The following DAB1 variants were observed in gnomAD, a reference collection of about 807,000 sequenced individuals.
DAB1 encodes the protein disabled homolog 1.
A neutral mutation model predicts 64.6 loss-of-function variants in DAB1; 15 were observed. The ratio of observed to expected loss-of-function variants is 0.23; its 90% confidence interval spans 0.16 to 0.36. The LOEUF is 0.36. Ranked by LOEUF, DAB1 falls within the 10% of genes least tolerant of loss-of-function variation. The pLI, the probability that DAB1 is intolerant of heterozygous loss-of-function variation, is 1.00. For synonymous variants in DAB1, 235 were observed against 251.9 expected, an observed-to-expected ratio of 0.93 and a Z score of 0.64; for missense variants, 596 against 706.7, an observed-to-expected ratio of 0.84 and a Z score of 1.78.
At chr1:57,702,360 A>G (rs1313293185) in intron 6 of DAB1, among the ~76,000 whole-genome samples, 2 of 152,188 alleles carry the variant, frequency 1.3e-5, no homozygotes, top group Non-Finnish European at 2.9e-5. Flanking sequence ...ATGGATATTT[A>G]TAACTCCCTT....
chr1:57,722,515 GTA>G (rs1647163451), intron 6 of DAB1, among the ~76,000 whole-genome samples: 1 of 152,118 alleles, frequency 6.6e-6, no homozygotes, highest in African/African-American at 2.4e-5. Context: ...TCTCAACACG[GTA>G]TTCCCAGCAG....
chr1:57,655,684 CAG>C (rs749793515), intron 6 of DAB1, among the ~76,000 whole-genome samples: 25 of 152,002 alleles, frequency 1.6e-4, no homozygotes, highest in Non-Finnish European at 2.9e-4. Context: ...AAACATGAAA[CAG>C]GGAAAGGGGA....
intron 5 of DAB1, among the ~76,000 whole-genome samples, chr1:57,960,579 A>AT (rs1371129804): frequency 2.6e-5 from 4 of 152,198 alleles, no homozygotes; most frequent in African/African-American, 4.8e-5. Flanking sequence ...CGTTAATACT[A>AT]TTTTTATTCA....
At chr1:57,045,342 T>C (rs1416747693) in intron 9 of DAB1, among the ~76,000 whole-genome samples, 2 of 152,158 alleles carry the variant, frequency 1.3e-5, no homozygotes, top group Non-Finnish European at 2.9e-5. Flanking sequence ...CCTAGGCGAC[T>C]GTGGAAACAG....
At chr1:58,526,879 G>A (rs1646359688) in intron 2 of DAB1, among the ~76,000 whole-genome samples, 1 of 152,098 alleles carries the variant, frequency 6.6e-6, no homozygotes, top group Non-Finnish European at 1.5e-5. Context: ...AAAGGCCAGA[G>A]GGGATGACAC....
At chr1:58,539,124 C>A (rs1037242225) in intron 1 of DAB1, 1 of 872,848 alleles carries the variant, frequency 1.1e-6, no homozygotes, top group Admixed American at 1.7e-5. Flanking sequence ...ACCTGTCACA[C>A]TGATTTACTC....
intron 6 of DAB1, among the ~76,000 whole-genome samples, chr1:57,671,749 C>T (rs913846206): frequency 2.0e-5 from 3 of 152,046 alleles, no homozygotes; most frequent in Non-Finnish European, 4.4e-5. Context: ...TTTCTGTTGA[C>T]ATTTTACCTT....
intron 4 of DAB1, among the ~76,000 whole-genome samples, chr1:58,275,373 A>G (rs1310742653): frequency 6.6e-6 from 1 of 152,202 alleles, no homozygotes; most frequent in African/African-American, 2.4e-5. Flanking sequence ...AAAGGACAAA[A>G]TCAAAAGAGT....
chr1:57,568,724 T>G (rs1327811906), intron 7 of DAB1, among the ~76,000 whole-genome samples: 1 of 151,866 alleles, frequency 6.6e-6, no homozygotes, highest in Admixed American at 6.6e-5. Flanking sequence ...AAAACCACAA[T>G]GAGATACCAT....
At position 57,355,949 on chromosome 1, in the gene DAB1, T is replaced by C. The variant is rs1679068204; in HGVS notation, c.-136-64783A>G. Among the ~76,000 whole-genome samples, 2 of 151,676 alleles carry C rather than the reference T, an allele frequency of 1.3e-5. 1 individual carries two copies. Among genetic ancestry groups the C allele is most frequent in the South Asian group, 4.2e-4 (2 of 4,804 alleles). ...TGTCCTCTAAGCATGCTATTTTAAA[T>C]TGCAACCTAATTCACTAGTTTTTCC... is the stretch of plus-strand genomic sequence containing the variant. On this transcript the variant is annotated intron_variant, in intron 1 of 14. Transcript: ENST00000371236.
At chr1:57,340,031 G>C (rs553830401) in intron 1 of DAB1, among the ~76,000 whole-genome samples, 1 of 152,144 alleles carries the variant, frequency 6.6e-6, no homozygotes, top group South Asian at 2.1e-4. Context: ...TTCTGATGCT[G>C]GTCACTCAAA....
chr1:57,635,121 T>G (rs921229958), intron 7 of DAB1, among the ~76,000 whole-genome samples: 2 of 152,146 alleles, frequency 1.3e-5, no homozygotes, highest in African/African-American at 4.8e-5. Context: ...ATGAATCACA[T>G]GGGAATTTGC....
At chr1:58,222,973 A>T (rs1179034500) in intron 4 of DAB1, among the ~76,000 whole-genome samples, 1 of 152,114 alleles carries the variant, frequency 6.6e-6, no homozygotes, top group Non-Finnish European at 1.5e-5. Context: ...CAGATTCCTG[A>T]TCTGAGTCCC....
intron 4 of DAB1, among the ~76,000 whole-genome samples, chr1:57,135,315 G>A (rs1657988317): frequency 6.6e-6 from 1 of 152,074 alleles, no homozygotes; most frequent in Non-Finnish European, 1.5e-5. Context: ...CTTTATGACT[G>A]TGACTATGTT....
At chr1:57,938,030 G>C (rs1198179523) in intron 5 of DAB1, among the ~76,000 whole-genome samples, 1 of 152,236 alleles carries the variant, frequency 6.6e-6, no homozygotes, top group Admixed American at 6.5e-5. Flanking sequence ...CATGTTCAGA[G>C]AACATTCTGG....
chr1:57,224,067 C>T (rs1226833384), intron 2 of DAB1, among the ~76,000 whole-genome samples: 2 of 152,118 alleles, frequency 1.3e-5, no homozygotes, highest in Non-Finnish European at 2.9e-5. Flanking sequence ...ACTGCTATTG[C>T]TAGTTTGTAA....
chr1:57,956,219 T>C (rs1645390327), intron 5 of DAB1, among the ~76,000 whole-genome samples: 1 of 152,002 alleles, frequency 6.6e-6, no homozygotes, highest in Non-Finnish European at 1.5e-5. Flanking sequence ...AGAGAAGAGC[T>C]CAAGGAGAGA....
intron 3 of DAB1, among the ~76,000 whole-genome samples, chr1:58,494,111 C>T (rs1645750526): frequency 6.6e-6 from 1 of 152,132 alleles, no homozygotes; most frequent in Admixed American, 6.5e-5. Flanking sequence ...AGAAATAATG[C>T]CACATGTCTA....
chr1:58,493,092 G>A (rs1645728417), intron 3 of DAB1, among the ~76,000 whole-genome samples: 1 of 152,004 alleles, frequency 6.6e-6, no homozygotes, highest in Non-Finnish European at 1.5e-5. Flanking sequence ...TTCATCCCTG[G>A]GATGCAAGGC....
Sources: allele counts gnomAD v4.1 joint callset (sites outside exome capture counted in the v4.1 genomes callset), GRCh38; gene constraint gnomAD v4.1.1; transcripts MANE v1.5; gene names NCBI Gene and HGNC (gene_info 2026-07-23, HGNC 2026-07-21).